The following IDO1 variants were observed in gnomAD, a reference collection of about 807,000 sequenced individuals.
The protein encoded by IDO1 is indolamine 2,3 dioxygenase.
Under a neutral mutation model 38.8 loss-of-function variants are expected in IDO1, and 35 were observed. The observed-to-expected ratio is 0.90, with a 90% CI of 0.69 to 1.20. The LOEUF (loss-of-function observed/expected upper bound fraction) is 1.20, where lower values mean the gene tolerates loss of function less well. IDO1 is among the 50% of genes most tolerant of loss of function. IDO1 has a pLI of 0.00. For missense variants in IDO1, 509 were observed against 485.1 expected (o/e 1.05, Z -0.46); for synonymous variants, 171 against 170.0 (o/e 1.01, Z -0.05).
chr8:39,925,819 G>C (rs889224414), intron 9 of IDO1, among the ~76,000 whole-genome samples: 5 of 151,926 alleles, frequency 3.3e-5, no homozygotes, highest in Admixed American at 2.0e-4. Flanking sequence ...CACAGGCAGA[G>C]GTTGCAGTGA....
rs1190135023 is a variant in IDO1 at position 39,920,116 on chromosome 8, T to A, written c.437+2T>A. On this transcript the variant is annotated splice_donor_variant, in intron 5 of 9. Transcript: ENST00000518237. LOFTEE classifies it high-confidence loss of function. Reference sequence around the variant, plus strand: ...TTTCATAAGGCCCCTGACTTATGAGTAAGTATCTGATTCTTGTTTGATTCT... The same window carrying A: ...TTTCATAAGGCCCCTGACTTATGAGAAAGTATCTGATTCTTGTTTGATTCT... The A allele has an allele frequency of 7.5e-6, 12 of 1,607,634 alleles. No homozygotes were observed. The highest frequency in any genetic ancestry group is 1.0e-5 in the Non-Finnish European group (12 of 1,176,140).
chr8:39,926,677 T>G (rs1350704511), intron 9 of IDO1, among the ~76,000 whole-genome samples: 1 of 152,180 alleles, frequency 6.6e-6, no homozygotes, highest in Non-Finnish European at 1.5e-5. Flanking sequence ...TTTAAAATTT[T>G]TTTATCATAT....
intron 1 of IDO1, among the ~76,000 whole-genome samples, chr8:39,917,082 C>A (rs1446880595): frequency 1.3e-5 from 2 of 152,182 alleles, no homozygotes; most frequent in South Asian, 4.1e-4. Context: ...TGGGCCATTA[C>A]AATAATTAAA....
intron 7 of IDO1, 43 bp from the exon 8 acceptor site, chr8:39,924,678 A>G (rs1211907874): frequency 7.1e-7 from 1 of 1,401,478 alleles, no homozygotes; most frequent in Admixed American, 1.8e-5. Flanking sequence ...TTCCCTGTAT[A>G]CCTCTGATGC....
chr8:39,927,038 C>G (rs1403698637), intron 9 of IDO1, among the ~76,000 whole-genome samples: 1 of 152,166 alleles, frequency 6.6e-6, no homozygotes, highest in African/African-American at 2.4e-5. Context: ...TGATTTCATT[C>G]TTTTTCATGG....
At position 39,928,035 on chromosome 8, in the gene IDO1, C is replaced by G; in HGVS notation, c.1062C>G (p.Ile354Met). The change falls in exon 10 of 10, where the codon ATC becomes ATG. Residue 354 changes from isoleucine (I) to methionine (M), a missense_variant. Ile to Met is a conservative substitution (Grantham distance 10). Transcript: ENST00000518237. ...ATCTGCAAATCGTGACTAAGTACAT[C>G]CTGATTCCTGCAAGCCAGCAGCCAA... is the stretch of plus-strand genomic sequence containing the variant. ...SYHLQIVTKY[I>M]LIPASQQPKE... The G allele has an allele frequency of 6.2e-7, 1 of 1,608,310 alleles. No homozygotes were observed. The highest frequency in any genetic ancestry group is 8.5e-7 in the Non-Finnish European group (1 of 1,177,254).
At chr8:39,922,292 C>T (rs1228531711) in intron 5 of IDO1, among the ~76,000 whole-genome samples, 1 of 152,148 alleles carries the variant, frequency 6.6e-6, no homozygotes, top group Admixed American at 6.6e-5. Context: ...CAGATGTGAA[C>T]TACCATGCCC....
intron 3 of IDO1, 57 bp downstream of exon 3, chr8:39,918,264 A>G: frequency 1.9e-6 from 3 of 1,569,372 alleles, no homozygotes; most frequent in Non-Finnish European, 2.6e-6. Context: ...TCTAATTTAC[A>G]TTTAACTTTC....
Position 39,917,910 on chromosome 8 carries a change from C to G in IDO1, c.123C>G (p.Phe41Leu). The G allele has an allele frequency of 2.5e-6, 4 of 1,607,094 alleles. No individual in the cohort carries two copies. Among genetic ancestry groups the G allele is most frequent in the Non-Finnish European group, 2.6e-6 (3 of 1,175,188 alleles). ...NLPDFYNDWM[F>L]IAKHLPDLIE... ...CTGATTTTTATAATGACTGGATGTT[C>G]ATTGCTAAACATCTGCCTGATCTCA... Residue 41 changes from phenylalanine to leucine, a missense_variant, in exon 2 of 10, where the codon TTC (phenylalanine) becomes TTG (leucine). By Grantham distance (22) the Phe-to-Leu change is conservative. Coordinates refer to ENST00000518237, the MANE Select transcript of IDO1 (RefSeq NM_002164.6).
At position 39,927,959 on chromosome 8, in the gene IDO1, G is replaced by A. The variant is rs756117395; in HGVS notation, c.986G>A (p.Arg329Gln). 28 of 1,604,708 alleles carry A rather than the reference G, an allele frequency of 1.7e-5. No homozygotes were observed. Among genetic ancestry groups the A allele is most frequent in the East Asian group, 6.7e-5 (3 of 44,634 alleles). The change falls in exon 10 of 10, where the codon CGG (arginine) becomes CAG (glutamine). Residue 329 changes from arginine to glutamine, a missense_variant. Coordinates refer to ENST00000518237, the MANE Select transcript of IDO1 (RefSeq NM_002164.6). The stretch of plus-strand genomic sequence containing the variant: ...CTTTCAAAAGGTGATGCTGGCCTGC[G>A]GGAAGCTTATGACGCCTGTGTGAAA... ...FVLSKGDAGLREAYDACVKAL... is the reference protein window; with the variant it reads ...FVLSKGDAGLQEAYDACVKAL...
intron 7 of IDO1, among the ~76,000 whole-genome samples, chr8:39,924,438 T>G (rs528500756): frequency 2.4e-4 from 36 of 150,882 alleles, no homozygotes; most frequent in African/African-American, 7.3e-4. Context: ...TTTTGATTTG[T>G]TTTTTTTTGT....
At chr8:39,919,503 T>C (rs1001938416) in intron 4 of IDO1, among the ~76,000 whole-genome samples, 2 of 152,086 alleles carry the variant, frequency 1.3e-5, no homozygotes, top group Admixed American at 1.3e-4. Flanking sequence ...AGCAGTCTGC[T>C]CAGGATATAG....
intron 4 of IDO1, among the ~76,000 whole-genome samples, chr8:39,919,596 G>A (rs1172440195): frequency 2.6e-5 from 4 of 152,160 alleles, no homozygotes; most frequent in South Asian, 2.1e-4. Flanking sequence ...GTGTGTGCCT[G>A]TAGAAAAATA....
chr8:39,928,714 A>G lies in IDO1; in HGVS notation c.*529A>G, dbSNP rs1219012418. Among the ~76,000 whole-genome samples the G allele has an allele frequency of 6.6e-6, 1 of 151,306 alleles. No individual in the cohort carries two copies. The highest frequency in any genetic ancestry group is 2.4e-5 in the African/African-American group (1 of 41,194). On this transcript the variant is annotated 3_prime_UTR_variant, in exon 10 of 10. Transcript: ENST00000518237. ...TGCCACTGCAATCCGGCCTGGGCTA[A>G]AGAGCGGGACTCCGTCTCAAAAAAA... is the stretch of plus-strand genomic sequence containing the variant.
chr8:39,919,035 T>C (rs750486195), intron 4 of IDO1, 102 bp downstream of exon 4: 2 of 795,820 alleles, frequency 2.5e-6, no homozygotes, highest in Non-Finnish European at 4.5e-6. Context: ...AGCTTTCCTC[T>C]CAGCTGGGTA....
intron 5 of IDO1, among the ~76,000 whole-genome samples, chr8:39,922,039 C>T (rs1057207970): frequency 2.0e-5 from 3 of 152,096 alleles, no homozygotes; most frequent in African/African-American, 7.2e-5. Context: ...TCGCTCTTGT[C>T]GCCCAGGCTG....
chr8:39,922,861 A>G, intron 6 of IDO1: 1 of 570,776 alleles, frequency 1.8e-6, no homozygotes, highest in East Asian at 2.9e-5. Context: ...ATCCAACTTG[A>G]AACCTCTGTA....
At chr8:39,921,930 G>A (rs912523218) in intron 5 of IDO1, among the ~76,000 whole-genome samples, 3 of 152,182 alleles carry the variant, frequency 2.0e-5, no homozygotes, top group Admixed American at 2.0e-4. Flanking sequence ...GTGAGAAGTT[G>A]ACGGGATAAT....
At position 39,922,608 on chromosome 8, in the gene IDO1, T is replaced by C; in HGVS notation, c.494T>C (p.Leu165Pro). The C allele has an allele frequency of 6.2e-7, 1 of 1,613,726 alleles. No individual in the cohort carries two copies. Among genetic ancestry groups the C allele is most frequent in the Non-Finnish European group, 8.5e-7 (1 of 1,179,654 alleles). The change falls in exon 6 of 10, where the codon CTG becomes CCG. Residue 165 changes from leucine to proline, a missense_variant. Physicochemically the swap from Leu to Pro is moderately conservative, Grantham distance 98. Coordinates refer to ENST00000518237, the MANE Select transcript of IDO1 (RefSeq NM_002164.6). The stretch of plus-strand genomic sequence containing the variant: ...GGAGACTGCAGTAAAGGATTCTTCC[T>C]GGTCTCTCTATTGGTGGAAATAGCA... ...RDGDCSKGFF[L>P]VSLLVEIAAA...
Sources: gnomAD v4.1 joint callset for allele counts (sites outside exome capture counted in the v4.1 genomes callset) on GRCh38, gnomAD v4.1.1 for gene constraint, MANE v1.5 for transcripts, NCBI Gene and HGNC (gene_info 2026-07-23, HGNC 2026-07-21) for gene names.